Variants in ADGRG5 observed in about 807,000 individuals in gnomAD.
ADGRG5 encodes G protein-coupled receptor 114.
Under a neutral mutation model 53.2 loss-of-function variants are expected in ADGRG5, and 37 were observed. The observed-to-expected ratio is 0.70, with a 90% confidence interval of 0.53 to 0.91. The LOEUF (loss-of-function observed/expected upper bound fraction) is 0.91, where lower values mean the gene tolerates loss of function less well. ADGRG5 is among the 40% of genes least tolerant of loss of function. The pLI is 0.00. For synonymous variants in ADGRG5, 277 were observed against 290.4 expected (o/e 0.95, Z 0.47); for missense variants, 614 against 675.8 (o/e 0.91, Z 1.01).
At chr16:57,562,829 A>G (rs1261969368) in intron 3 of ADGRG5, among the ~76,000 whole-genome samples, 1 of 152,126 alleles carries the variant, frequency 6.6e-6, no homozygotes, top group Non-Finnish European at 1.5e-5. Flanking sequence ...GGCTACTGGG[A>G]AGCTGTGAGG....
chr16:57,529,452 C>G, the ADGRG5 span: 3 of 198,162 alleles, frequency 1.5e-5, no homozygotes, highest in East Asian at 4.1e-4. This position sits in a 1 kb window ranked among gnomAD's most constrained non-coding sequence, Gnocchi z 4.1. Context: ...CAGGAGAGTC[C>G]CAATGAGGCA....
At chr16:57,547,280 A>G (rs1476003516) in intron 1 of ADGRG5, among the ~76,000 whole-genome samples, 2 of 152,342 alleles carry the variant, frequency 1.3e-5, no homozygotes, top group East Asian at 3.9e-4. Context: ...TCAAAAAAGC[A>G]TTATTAACAT....
At position 57,567,908 on chromosome 16, in the gene ADGRG5, C is replaced by A; in HGVS notation, c.874C>A (p.Leu292Met). The change falls in exon 9 of 12, where the codon CTG becomes ATG. Residue 292 changes from leucine (L) to methionine (M), a missense_variant. Physicochemically the swap from Leu to Met is conservative, Grantham distance 15. Coordinates refer to ENST00000349457, the MANE Select transcript of ADGRG5 (RefSeq NM_001304376.3). ...CCACATGAACCTGCATGCCTCCGTG[C>A]TGCTCCTGAACATCGCCTTCCTGCT... ...RIHMNLHASV[L>M]LLNIAFLLSP... is the part of the protein sequence containing the mutation. The A allele has an allele frequency of 6.2e-7, 1 of 1,613,452 alleles. No homozygotes were observed. The highest frequency in any genetic ancestry group is 1.1e-5 in the South Asian group (1 of 91,048).
intron 9 of ADGRG5, 111 bp downstream of exon 9, chr16:57,568,235 A>G: frequency 4.6e-6 from 5 of 1,091,152 alleles, no homozygotes; most frequent in Non-Finnish European, 5.4e-6. Context: ...CCATTACATG[A>G]CCACCAGCTG....
Position 57,570,470 on chromosome 16 carries a change from C to T in ADGRG5, c.1143C>T (p.Tyr381=), listed in dbSNP as rs752872934. 57 of 1,613,372 alleles carry T rather than the reference C, an allele frequency of 3.5e-5. No homozygotes were observed. Among genetic ancestry groups the T allele is most frequent in the Non-Finnish European group, 4.5e-5 (53 of 1,179,938 alleles). Residue 381 remains tyrosine, a synonymous_variant, in exon 10 of 12, where the codon TAC becomes TAT. Coordinates refer to ENST00000349457, the MANE Select transcript of ADGRG5 (RefSeq NM_001304376.3). The part of the protein sequence containing the change: ...LLSLSVKSSV[Y]GPCTIPVFDS... ...CCCTCTCTGTCAAGAGCTCGGTATA[C>T]GGACCCTGCACAATCCCCGTCTTCG...
Position 57,566,741 on chromosome 16 carries a change from C to T in ADGRG5, c.689C>T (p.Ala230Val). 1.3e-6 allele frequency: 2 copies of T among 1,546,210 alleles called. No homozygotes were observed. The highest frequency in any genetic ancestry group is 8.7e-7 in the Non-Finnish European group (1 of 1,146,544). Residue 230 changes from alanine (A) to valine (V), a missense_variant, in exon 7 of 12, where the codon GCT becomes GTT. Coordinates refer to ENST00000349457, the MANE Select transcript of ADGRG5 (RefSeq NM_001304376.3). ...CGCTGCAACCACCTCACCTACTTTGCTGTTCTCATGGTATGTATGCATCCT... is the reference window on the plus strand; with the variant it reads ...CGCTGCAACCACCTCACCTACTTTGTTGTTCTCATGGTATGTATGCATCCT... ...LCRCNHLTYF[A>V]VLMQLSPALV... is the part of the protein sequence containing the mutation.
At chr16:57,552,902 A>G (rs2032787818) in intron 1 of ADGRG5, among the ~76,000 whole-genome samples, 1 of 152,098 alleles carries the variant, frequency 6.6e-6, no homozygotes, top group Admixed American at 6.5e-5. Context: ...AGAGTTATTC[A>G]TTGTTCTGAT....
intron 5 of ADGRG5, 97 bp downstream of exon 5, chr16:57,564,076 A>T: frequency 7.6e-7 from 1 of 1,317,304 alleles, no homozygotes; most frequent in Non-Finnish European, 1.1e-6. Flanking sequence ...GGTGACCAGC[A>T]CTGAGTGAGA....
intron 9 of ADGRG5, among the ~76,000 whole-genome samples, 159 bp downstream of exon 9, chr16:57,568,283 C>A (rs755416023): frequency 6.6e-6 from 1 of 152,028 alleles, no homozygotes; most frequent in Non-Finnish European, 1.5e-5. Context: ...TTCTATGTTA[C>A]TAATTTTATC....
chr16:57,552,028 C>CTAT (rs199998031), intron 1 of ADGRG5, among the ~76,000 whole-genome samples: 46,307 of 146,164 alleles, frequency 0.32, 7,114 homozygotes, highest in Middle Eastern at 0.35. Context: ...TGAAATAAAT[C>CTAT]TTTTTTTTTT....
Position 57,575,595 on chromosome 16 carries a change from A to T in ADGRG5, c.*57A>T. ...CTCTGGCCGCCAGTAGCCTGAGGCT[A>T]CGGCTCCTGCTAGAGAGGGTGGCAG... is the stretch of plus-strand genomic sequence containing the variant. On this transcript the variant is annotated 3_prime_UTR_variant, in exon 12 of 12. Transcript: ENST00000349457. The T allele has an allele frequency of 2.1e-6, 3 of 1,396,938 alleles. No individual in the cohort carries two copies. The highest frequency in any genetic ancestry group is 3.0e-6 in the Non-Finnish European group (3 of 986,312). The allele number at this position is 1,396,938 out of a possible 1,614,324, so 86.5% of individuals were successfully genotyped here.
intron 9 of ADGRG5, among the ~76,000 whole-genome samples, chr16:57,569,628 C>T (rs558953016): frequency 6.3e-4 from 95 of 151,796 alleles, no homozygotes; most frequent in African/African-American, 1.7e-3. Context: ...CCATCATCAC[C>T]TCCTCCACCT....
upstream of ADGRG5, among the ~76,000 whole-genome samples, chr16:57,541,851 C>T (rs753574649): frequency 6.6e-6 from 1 of 152,242 alleles, no homozygotes; most frequent in Non-Finnish European, 1.5e-5. Context: ...CAGGACAGGC[C>T]TATCCAGCTG....
At position 57,575,827 on chromosome 16, in the gene ADGRG5, C is replaced by A; in HGVS notation, c.*289C>A. On this transcript the variant is annotated 3_prime_UTR_variant, in exon 12 of 12. Coordinates refer to ENST00000349457, the MANE Select transcript of ADGRG5 (RefSeq NM_001304376.3). ...GATGTGGGCAGAGCACCAGCCTGGG[C>A]ATCAGGAAGCCAAGTTTCAAGGACT... 1 of 398,246 alleles carries A rather than the reference C, an allele frequency of 2.5e-6. No individual in the cohort carries two copies. Among genetic ancestry groups the A allele is most frequent in the South Asian group, 3.1e-5 (1 of 31,896 alleles). The allele number at this position is 398,246 out of a possible 1,614,324, so 24.7% of individuals were successfully genotyped here. A position where few individuals can be genotyped will look rare whatever the true frequency, so the allele number is the denominator to read the frequency against.
rs372892499 is a variant in ADGRG5 at position 57,565,165 on chromosome 16, G to A, written c.546+15G>A. On this transcript the variant is annotated intron_variant, in intron 6 of 11. Transcript: ENST00000349457. ...ACCAAAGCCTGGTACTGCTGGGGGC[G>A]CCCCCGTTTCCACTGCACCCCTGCC... The A allele has an allele frequency of 1.4e-4, 208 of 1,534,738 alleles. 1 individual carries two copies. The Middle Eastern group carries it at 2.7e-3, about 20-fold the overall frequency.
chr16:57,561,747 G>C (rs1596786255), intron 1 of ADGRG5, among the ~76,000 whole-genome samples: 1 of 152,190 alleles, frequency 6.6e-6, no homozygotes, highest in Admixed American at 6.5e-5. Flanking sequence ...CCGTCCCCCT[G>C]GGTAGAGACT....
intron 1 of ADGRG5, among the ~76,000 whole-genome samples, chr16:57,555,500 A>G (rs191231891): frequency 1.2e-4 from 19 of 152,272 alleles, no homozygotes; most frequent in Admixed American, 8.5e-4. Flanking sequence ...GGACTGATAT[A>G]TCTTCTATAT....
chr16:57,558,076 G>C (rs2032923358), intron 1 of ADGRG5, among the ~76,000 whole-genome samples: 1 of 152,196 alleles, frequency 6.6e-6, no homozygotes, highest in African/African-American at 2.4e-5. Flanking sequence ...TTATGTCGTG[G>C]CTGTAGTATA....
chr16:57,533,350 A>C, the ADGRG5 span, among the ~76,000 whole-genome samples: 1 of 151,796 alleles, frequency 6.6e-6, no homozygotes, highest in African/African-American at 2.4e-5. Flanking sequence ...GCACACCAGG[A>C]ATCCTGCACT....
Sources: gnomAD v4.1 joint callset for allele counts (sites outside exome capture counted in the v4.1 genomes callset) on GRCh38, gnomAD v4.1.1 for gene constraint, Gnocchi (gnomAD v3.1) non-coding constraint, MANE v1.5 for transcripts, NCBI Gene and HGNC (gene_info 2026-07-23, HGNC 2026-07-21) for gene names.